Variants in TNIK observed in about 807,000 individuals in gnomAD.
TNIK encodes TRAF2 and NCK-interacting protein kinase.
In TNIK, 49 loss-of-function variants were observed where a neutral mutation model predicts 191.3. The ratio of observed to expected loss-of-function variants is 0.26; its 90% CI spans 0.20 to 0.32. The LOEUF is 0.32. Among genes scored for constraint, TNIK ranks in the 10% least tolerant of loss-of-function variants. TNIK has a pLI of 1.00. For synonymous variants in TNIK, 594 were observed against 600.9 expected (o/e 0.99, Z 0.17); for missense variants, 1,155 against 1,702.3 (o/e 0.68, Z 5.66).
intron 2 of TNIK, among the ~76,000 whole-genome samples, chr3:171,292,403 G>A (rs1186967118): frequency 6.6e-6 from 1 of 152,208 alleles, no homozygotes; most frequent in Non-Finnish European, 1.5e-5. Context: ...TGCAAACCCT[G>A]TCTTGTGTGC....
At chr3:171,187,346 G>A (rs1737487454) in intron 7 of TNIK, among the ~76,000 whole-genome samples, 1 of 152,156 alleles carries the variant, frequency 6.6e-6, no homozygotes, top group Non-Finnish European at 1.5e-5. Context: ...GCTGTTTTCA[G>A]ACAGATTGTT....
intron 1 of TNIK, among the ~76,000 whole-genome samples, chr3:171,450,585 A>G (rs1172944244): frequency 2.0e-5 from 3 of 152,232 alleles, no homozygotes; most frequent in African/African-American, 2.4e-5. Context: ...AGCCCTAGGC[A>G]GACAGATAGA....
chr3:171,075,730 A>C (rs1410970163), intron 28 of TNIK, among the ~76,000 whole-genome samples: 1 of 151,796 alleles, frequency 6.6e-6, no homozygotes, highest in African/African-American at 2.4e-5. Context: ...TTTTTTCCAA[A>C]AGCTGCTATT....
chr3:171,263,137 T>C lies in TNIK; in HGVS notation c.124-34916A>G, dbSNP rs149791827. ...ATTCCCAGCCTTAAAAACAAGCAAGTTGGGATAAACTTGAAGGTCTATTCC... is the reference window on the plus strand; with the variant it reads ...ATTCCCAGCCTTAAAAACAAGCAAGCTGGGATAAACTTGAAGGTCTATTCC... On this transcript the variant is annotated intron_variant, in intron 2 of 32. Transcript: ENST00000436636. 2.8e-3 allele frequency among the ~76,000 whole-genome samples: 420 copies of C among 152,302 alleles called. 4 individuals carry two copies. The East Asian group carries it at 0.036, about 13-fold the overall frequency.
chr3:171,334,105 T>C (rs1756707911), intron 2 of TNIK, among the ~76,000 whole-genome samples: 2 of 152,150 alleles, frequency 1.3e-5, no homozygotes, highest in Middle Eastern at 3.2e-3. Context: ...CACTGGACAG[T>C]GGGTGGGGCT....
chr3:171,303,069 A>G (rs1203748653), intron 2 of TNIK, among the ~76,000 whole-genome samples: 1 of 152,220 alleles, frequency 6.6e-6, no homozygotes. Context: ...TGAAGCTAAC[A>G]CCAACTTACC....
intron 22 of TNIK, among the ~76,000 whole-genome samples, chr3:171,100,464 T>G (rs1723306065): frequency 6.6e-6 from 1 of 152,148 alleles, no homozygotes; most frequent in South Asian, 2.1e-4. Context: ...CAGTCCCTGC[T>G]GAAGTGGACA....
intron 1 of TNIK, among the ~76,000 whole-genome samples, chr3:171,441,510 T>G (rs1726794824): frequency 6.6e-6 from 1 of 152,344 alleles, no homozygotes; most frequent in Middle Eastern, 3.4e-3. Context: ...TGCCTAATAG[T>G]ATTCTATTGT....
At chr3:171,321,906 C>T (rs1755204973) in intron 2 of TNIK, among the ~76,000 whole-genome samples, 1 of 152,182 alleles carries the variant, frequency 6.6e-6, no homozygotes, top group Admixed American at 6.5e-5. Flanking sequence ...TAACCAAAGA[C>T]TTTGAAAATC....
chr3:171,109,632 G>C (rs1345043170), intron 19 of TNIK, among the ~76,000 whole-genome samples: 1 of 152,194 alleles, frequency 6.6e-6, no homozygotes, highest in East Asian at 1.9e-4. Flanking sequence ...GCTTTCATCA[G>C]ACAGAGAAAC....
chr3:171,443,858 T>C (rs917242939), intron 1 of TNIK, among the ~76,000 whole-genome samples: 13 of 152,042 alleles, frequency 8.6e-5, no homozygotes, highest in African/African-American at 3.1e-4. Context: ...CTTGAACAAT[T>C]CCCTGATACT....
At chr3:171,177,194 C>T in intron 8 of TNIK, 132 bp downstream of exon 8, 1 of 785,310 alleles carries the variant, frequency 1.3e-6, no homozygotes, top group Non-Finnish European at 1.8e-6. Flanking sequence ...ACTCTGCTTT[C>T]TAAATATGCC....
chr3:171,126,068 G>A lies in TNIK; in HGVS notation c.1857C>T (p.Leu619=), dbSNP rs1395944838. 4 of 1,613,030 alleles carry A rather than the reference G, an allele frequency of 2.5e-6. No homozygotes were observed. Among genetic ancestry groups the A allele is most frequent in the Non-Finnish European group, 2.5e-6 (3 of 1,179,402 alleles). Residue 619 remains leucine, a synonymous_variant, in exon 17 of 33, where the codon CTC becomes CTT. Coordinates refer to ENST00000436636, the MANE Select transcript of TNIK (RefSeq NM_015028.4). The part of the protein sequence containing the change: ...QSVHEQPTKG[L]SGFQEALNVT... ...CGTTCAGAGCCTCCTGAAACCCAGA[G>A]AGGCCCTTTGTGGGCTGCTCGTGCA...
At chr3:171,229,767 CT>C (rs1004996364) in intron 2 of TNIK, among the ~76,000 whole-genome samples, 12 of 152,120 alleles carry the variant, frequency 7.9e-5, no homozygotes, top group South Asian at 2.1e-4. Flanking sequence ...TTCTGCTGCC[CT>C]TTTTTTCCTC....
At chr3:171,381,615 A>G (rs547141907) in intron 1 of TNIK, among the ~76,000 whole-genome samples, 6 of 152,324 alleles carry the variant, frequency 3.9e-5, no homozygotes, top group African/African-American at 1.4e-4. Flanking sequence ...GCTCCTTAAC[A>G]AAAATTCCAA....
At chr3:171,313,823 A>C (rs1261507292) in intron 2 of TNIK, among the ~76,000 whole-genome samples, 1 of 152,150 alleles carries the variant, frequency 6.6e-6, no homozygotes, top group African/African-American at 2.4e-5. Context: ...TGAATGACTT[A>C]AAGACACATC....
intron 1 of TNIK, among the ~76,000 whole-genome samples, chr3:171,440,284 C>T (rs1726619505): frequency 6.6e-6 from 1 of 152,104 alleles, no homozygotes; most frequent in African/African-American, 2.4e-5. Flanking sequence ...TGGTGAGTAA[C>T]AGTAACAGTA....
chr3:171,187,266 T>C (rs1397748197), intron 7 of TNIK, among the ~76,000 whole-genome samples: 1 of 152,238 alleles, frequency 6.6e-6, no homozygotes. Context: ...AACAGAATTA[T>C]TTAAATATGC....
At chr3:171,308,375 G>GCACCC (rs1753685300) in intron 2 of TNIK, among the ~76,000 whole-genome samples, 1 of 151,652 alleles carries the variant, frequency 6.6e-6, no homozygotes, top group Admixed American at 6.6e-5. Flanking sequence ...TAGCCATCCT[G>GCACCC]CACCCCTTCC....
Sources: gnomAD v4.1 joint callset for allele counts (sites outside exome capture counted in the v4.1 genomes callset) on GRCh38, gnomAD v4.1.1 for gene constraint, MANE v1.5 for transcripts, NCBI Gene and HGNC (gene_info 2026-07-23, HGNC 2026-07-21) for gene names.